Variants in TET3 observed in about 807,000 individuals in gnomAD.
The protein encoded by TET3 is methylcytosine dioxygenase TET3.
A neutral mutation model predicts 141.4 loss-of-function variants in TET3; 19 were observed. The ratio of observed to expected loss-of-function variants is 0.13; its 90% CI spans 0.09 to 0.20. TET3 has a LOEUF of 0.20. TET3 is among the 10% of genes least tolerant of loss of function. The probability of loss-of-function intolerance (pLI) is 1.00; values close to 1 mark genes in which losing one functional copy is unlikely to be tolerated. For synonymous variants in TET3, 1,043 were observed against 980.9 expected, an observed-to-expected ratio of 1.06 and a Z score of -1.18; for missense variants, 1,874 against 2,356.9, an observed-to-expected ratio of 0.80 and a Z score of 4.24.
In TET3 at chr2:73,993,684, C is replaced by T. The variant is rs187773535; in HGVS notation, c.303+6978C>T. On this transcript the variant is annotated intron_variant, in intron 2 of 11. Transcript: ENST00000409262. ...TGCTTGTTCTTCTGGCATTTGTTTC[C>T]TTGTAGTTTAGTGAGTTATCAGTAA... The T allele has an allele frequency of 2.8e-3, 419 of 152,194 alleles. 3 individuals are homozygous for T. The highest frequency in any genetic ancestry group is 9.7e-3 in the African/African-American group (403 of 41,518). 9.4% of individuals were successfully genotyped at this position (152,194 alleles called of 1,614,324 possible). A position where few individuals can be genotyped will look rare whatever the true frequency, so the allele number is the denominator to read the frequency against.
intron 3 of TET3, among the ~76,000 whole-genome samples, chr2:74,040,172 C>CTGGGAGTCA (rs536852124): frequency 7.0e-4 from 107 of 152,126 alleles, no homozygotes; most frequent in African/African-American, 2.4e-3. Flanking sequence ...AAGTTGGTGG[C>CTGGGAGTCA]TGGGAGTCTT....
intron 3 of TET3, among the ~76,000 whole-genome samples, chr2:74,008,488 A>G (rs967081324): frequency 9.9e-5 from 15 of 152,240 alleles, no homozygotes; most frequent in African/African-American, 3.6e-4. Context: ...TGCCACAGGC[A>G]GGGCACCTTG....
intron 10 of TET3, among the ~76,000 whole-genome samples, chr2:74,094,888 A>T (rs995422692): frequency 2.0e-4 from 31 of 152,228 alleles, no homozygotes; most frequent in African/African-American, 6.7e-4. Flanking sequence ...TGCCTGCTAG[A>T]CGTGCAGGTG....
chr2:74,106,737 C>A lies in TET3; in HGVS notation c.*4561C>A, dbSNP rs567353972. The A allele has an allele frequency of 3.9e-5, 6 of 153,786 alleles. No individual in the cohort carries two copies. In the East Asian group the frequency reaches 7.7e-4, roughly 20 times the overall value. 9.5% of individuals were successfully genotyped at this position (153,786 alleles called of 1,614,324 possible). ...CTCCATTTTGTGTCATCCACTGTCA[C>A]AATAATTTTTTTAAATACCTCAAAA... On this transcript the variant is annotated 3_prime_UTR_variant, in exon 12 of 12. Transcript: ENST00000409262.
chr2:74,061,171 G>A (rs562879728), intron 4 of TET3, among the ~76,000 whole-genome samples: 15 of 148,746 alleles, frequency 1.0e-4, no homozygotes, highest in Admixed American at 4.6e-4. Flanking sequence ...CCTCCCGGAC[G>A]GGGCGGCCGG....
chr2:74,090,685 G>A (rs1019947628), intron 8 of TET3, among the ~76,000 whole-genome samples: 5 of 152,156 alleles, frequency 3.3e-5, no homozygotes, highest in Admixed American at 6.5e-5. Flanking sequence ...AGGGGAAGGC[G>A]CCCTCAGGCT....
intron 3 of TET3, among the ~76,000 whole-genome samples, chr2:74,033,871 G>A (rs142683576): frequency 0.018 from 2,793 of 152,156 alleles, 88 homozygotes; most frequent in African/African-American, 0.062. Context: ...TGAGGCGGGC[G>A]GATCACCTGA....
the TET3 span, among the ~76,000 whole-genome samples, chr2:74,127,314 G>T: frequency 6.6e-6 from 1 of 152,138 alleles, no homozygotes; most frequent in African/African-American, 2.4e-5. Context: ...TTACAACTAT[G>T]TAATTCTTTT....
the TET3 span, among the ~76,000 whole-genome samples, chr2:74,129,316 CAAAAAAAAAAAAAAAAAAAAAAA>C: frequency 3.9e-5 from 2 of 51,292 alleles, no homozygotes; most frequent in Admixed American, 5.8e-4. Context: ...AACTCCGTCT[CAAAAAAAAAAAAAAAAAAAAAAA>C]AAAAAAAACC....
intron 3 of TET3, among the ~76,000 whole-genome samples, chr2:74,024,558 C>G (rs762217914): frequency 1.3e-5 from 2 of 152,060 alleles, no homozygotes; most frequent in Non-Finnish European, 2.9e-5. Flanking sequence ...CTCAGTGTCC[C>G]TCAGTGTTAG....
At chr2:74,060,424 T>C (rs1411245733) in intron 4 of TET3, among the ~76,000 whole-genome samples, 1 of 152,252 alleles carries the variant, frequency 6.6e-6, no homozygotes, top group Non-Finnish European at 1.5e-5. Flanking sequence ...TGTATTGCAG[T>C]TCTCAGAGTA....
At chr2:74,010,328 C>T (rs564809076) in intron 3 of TET3, among the ~76,000 whole-genome samples, 5 of 152,340 alleles carry the variant, frequency 3.3e-5, no homozygotes, top group African/African-American at 1.2e-4. Context: ...TGGGTCTTTG[C>T]CCGAGGTCTG....
intron 2 of TET3, among the ~76,000 whole-genome samples, chr2:73,996,242 C>T (rs777383176): frequency 1.8e-4 from 28 of 152,316 alleles, no homozygotes; most frequent in Non-Finnish European, 2.8e-4. Flanking sequence ...CCCTTCACTC[C>T]GTTACAGCTC....
intron 4 of TET3, among the ~76,000 whole-genome samples, chr2:74,072,418 A>G (rs1183256641): frequency 6.6e-6 from 1 of 152,030 alleles, no homozygotes; most frequent in African/African-American, 2.4e-5. Context: ...AGGCTGAGGC[A>G]TGAGAATTAC....
chr2:74,032,485 G>GCGCGCGCGCGCGA (rs1558730097), intron 3 of TET3, among the ~76,000 whole-genome samples: 14 of 150,290 alleles, frequency 9.3e-5, no homozygotes, highest in African/African-American at 2.9e-4. Flanking sequence ...GTGTGTGTGT[G>GCGCGCGCGCGCGA]TGTGTGTGTG....
the TET3 span, among the ~76,000 whole-genome samples, chr2:74,120,514 A>C: frequency 6.6e-6 from 1 of 152,204 alleles, no homozygotes; most frequent in African/African-American, 2.4e-5. Flanking sequence ...TCAAGTACCC[A>C]AGGCAGGCGG....
intron 6 of TET3, 88 bp downstream of exon 6, chr2:74,080,679 T>C (rs1689759052): frequency 1.8e-5 from 11 of 600,564 alleles, no homozygotes; most frequent in Non-Finnish European, 2.8e-5. Flanking sequence ...CCTTGCTGCA[T>C]GTAGCTGAGC....
At chr2:74,023,361 G>C (rs1383743535) in intron 3 of TET3, among the ~76,000 whole-genome samples, 6 of 152,150 alleles carry the variant, frequency 3.9e-5, no homozygotes, top group African/African-American at 1.4e-4. Context: ...TCCTGCCTCA[G>C]CCTCCTGAGT....
intron 4 of TET3, among the ~76,000 whole-genome samples, chr2:74,049,594 T>G (rs558110085): frequency 6.6e-6 from 1 of 152,258 alleles, no homozygotes; most frequent in East Asian, 1.9e-4. Flanking sequence ...GATGAGCATA[T>G]TGAATTCTTG....
Sources: gnomAD v4.1 joint callset for allele counts (sites outside exome capture counted in the v4.1 genomes callset) on GRCh38, gnomAD v4.1.1 for gene constraint, MANE v1.5 for transcripts, NCBI Gene and HGNC (gene_info 2026-07-23, HGNC 2026-07-21) for gene names.